GNB4: variants seen among roughly 807,000 people sequenced by gnomAD.
The protein encoded by GNB4 is guanine nucleotide-binding protein subunit beta-4.
A neutral mutation model predicts 45.2 loss-of-function variants in GNB4; 28 were observed. The ratio of observed to expected loss-of-function variants is 0.62; its 90% CI spans 0.46 to 0.85. The LOEUF (loss-of-function observed/expected upper bound fraction) is 0.85, where lower values mean the gene tolerates loss of function less well. Among genes scored for constraint, GNB4 ranks in the 40% least tolerant of loss-of-function variants. The pLI, the probability that GNB4 is intolerant of heterozygous loss-of-function variation, is 0.00. For missense variants in GNB4, 321 were observed against 425.4 expected, an observed-to-expected ratio of 0.75 and a Z score of 2.16; for synonymous variants, 132 against 143.7, an observed-to-expected ratio of 0.92 and a Z score of 0.58.
chr3:179,468,090 C>T, the GNB4 span, among the ~76,000 whole-genome samples: 2 of 139,300 alleles, frequency 1.4e-5, no homozygotes, highest in South Asian at 2.5e-4. Flanking sequence ...CCCAGCTACC[C>T]GGGAGGCTGA....
the GNB4 span, among the ~76,000 whole-genome samples, chr3:179,509,529 G>A: frequency 6.6e-5 from 10 of 151,894 alleles, no homozygotes; most frequent in African/African-American, 9.7e-5. Flanking sequence ...GTCATCCCAC[G>A]CAGTCTCCAC....
the GNB4 span, among the ~76,000 whole-genome samples, chr3:179,472,220 T>C: frequency 3.3e-5 from 5 of 152,066 alleles, no homozygotes; most frequent in East Asian, 1.9e-4. Flanking sequence ...TGAAAAAATA[T>C]ACCAAAATAT....
intron 9 of GNB4, among the ~76,000 whole-genome samples, chr3:179,402,731 A>G (rs1278646175): frequency 6.6e-6 from 1 of 152,208 alleles, no homozygotes; most frequent in Non-Finnish European, 1.5e-5. Flanking sequence ...CAGATTCTCC[A>G]AAAGTGTCCC....
chr3:179,411,329 TATA>T (rs1355836581), intron 8 of GNB4, among the ~76,000 whole-genome samples: 1 of 152,008 alleles, frequency 6.6e-6, no homozygotes, highest in Non-Finnish European at 1.5e-5. Flanking sequence ...ATTATAAAAA[TATA>T]ATGAAGTTGG....
upstream of GNB4, among the ~76,000 whole-genome samples, chr3:179,451,883 C>T (rs1715891992): frequency 6.6e-6 from 1 of 152,108 alleles, no homozygotes; most frequent in Non-Finnish European, 1.5e-5. Flanking sequence ...TTAGGTTTCC[C>T]ATTCTGGAAT....
the GNB4 span, among the ~76,000 whole-genome samples, chr3:179,517,890 G>A: frequency 1.3e-5 from 2 of 152,142 alleles, no homozygotes; most frequent in Non-Finnish European, 2.9e-5. Context: ...TTTCAGAGGT[G>A]TCTGACCATG....
the GNB4 span, among the ~76,000 whole-genome samples, chr3:179,475,265 G>A: frequency 2.0e-4 from 30 of 150,728 alleles, no homozygotes; most frequent in African/African-American, 6.3e-4. Flanking sequence ...CTACATGCAC[G>A]TGCCACCATG....
the GNB4 span, among the ~76,000 whole-genome samples, chr3:179,477,576 A>T: frequency 1.3e-5 from 2 of 152,014 alleles, no homozygotes; most frequent in African/African-American, 4.8e-5. Flanking sequence ...TATCACAACC[A>T]CTTAAGAAGA....
At chr3:179,523,005 G>A in the GNB4 span, among the ~76,000 whole-genome samples, 1 of 152,044 alleles carries the variant, frequency 6.6e-6, no homozygotes, top group South Asian at 2.1e-4. Context: ...AAGAGGAGTG[G>A]TGAAAGGATT....
At chr3:179,411,141 T>C (rs1014218935) in intron 8 of GNB4, among the ~76,000 whole-genome samples, 2 of 152,168 alleles carry the variant, frequency 1.3e-5, no homozygotes, top group African/African-American at 2.4e-5. Flanking sequence ...GTGTCTTTAC[T>C]GCTGAGAGAC....
At chr3:179,472,437 TCTC>T in the GNB4 span, among the ~76,000 whole-genome samples, 1 of 151,102 alleles carries the variant, frequency 6.6e-6, no homozygotes. Context: ...AGTGGTGTGA[TCTC>T]AGCTCACTGC....
chr3:179,463,662 A>G, the GNB4 span, among the ~76,000 whole-genome samples: 1 of 152,234 alleles, frequency 6.6e-6, no homozygotes, highest in African/African-American at 2.4e-5. Flanking sequence ...ATTCCCTCTT[A>G]GCAAGATAGT....
At chr3:179,412,184 C>G (rs1714671182) in intron 8 of GNB4, among the ~76,000 whole-genome samples, 5 of 152,062 alleles carry the variant, frequency 3.3e-5, no homozygotes, top group Admixed American at 3.3e-4. Context: ...ATAACTGATA[C>G]AGCAAGGCAT....
rs544276166 is a variant in GNB4, at chr3:179,397,057, C to T, written c.*4156G>A. 6.6e-6 allele frequency: 1 copy of T among 152,202 alleles called. No individual in the cohort carries two copies. The highest frequency in any genetic ancestry group is 2.1e-4 in the South Asian group (1 of 4,826). The allele number at this position is 152,202 out of a possible 1,614,324, so 9.4% of individuals were successfully genotyped here. On this transcript the variant is annotated 3_prime_UTR_variant, in exon 10 of 10. Coordinates refer to ENST00000232564, the MANE Select transcript of GNB4 (RefSeq NM_021629.4). ...AATGGCAAAAAGGAAAGAATTTGAA[C>T]ATAATATTTAATTTTTAAAAAAATT...
intron 8 of GNB4, among the ~76,000 whole-genome samples, chr3:179,409,682 C>T (rs550833709): frequency 4.6e-5 from 7 of 151,118 alleles, no homozygotes; most frequent in Admixed American, 2.0e-4. Context: ...TGGTGGTGTG[C>T]GCCTGTAGTC....
In GNB4 at chr3:179,431,452, G is replaced by A. The variant is rs533751819; in HGVS notation, c.-42-5210C>T. On this transcript the variant is annotated intron_variant, in intron 1 of 9. Transcript: ENST00000232564. ...CAAACGCCTGTAATCTCAGCTTCTC[G>A]GGAAATTGAGGCAGGAGAATCGCTT... Among the ~76,000 whole-genome samples the A allele has an allele frequency of 2.1e-4, 32 of 151,668 alleles. 1 individual carries two copies. The South Asian group carries it at 4.8e-3, about 23-fold the overall frequency.
At chr3:179,405,973 T>C (rs776078754) in intron 8 of GNB4, 3 of 152,202 alleles carry the variant, frequency 2.0e-5, no homozygotes, top group East Asian at 1.9e-4. Context: ...TCTTAAGATA[T>C]CAGTATTTCC....
chr3:179,522,275 T>G, the GNB4 span, among the ~76,000 whole-genome samples: 7 of 149,438 alleles, frequency 4.7e-5, no homozygotes, highest in Non-Finnish European at 8.8e-5. Context: ...ACTGAGCACC[T>G]TGTGAACCCC....
the GNB4 span, among the ~76,000 whole-genome samples, chr3:179,524,380 T>G: frequency 6.6e-6 from 1 of 152,252 alleles, no homozygotes; most frequent in African/African-American, 2.4e-5. Flanking sequence ...TGGCCAGATT[T>G]CTGGCACTTG....
Sources: allele counts gnomAD v4.1 joint callset (sites outside exome capture counted in the v4.1 genomes callset), GRCh38; gene constraint gnomAD v4.1.1; transcripts MANE v1.5; gene names NCBI Gene and HGNC (gene_info 2026-07-23, HGNC 2026-07-21).